RASAL2: variants seen among roughly 807,000 people sequenced by gnomAD.
RASAL2 encodes RAS protein activator like 2, also known as ras GTPase-activating protein nGAP.
Under a neutral mutation model 128.9 loss-of-function variants are expected in RASAL2, and 58 were observed. That is an observed-to-expected ratio of 0.45 (90% CI 0.36 to 0.56). RASAL2 has a LOEUF of 0.56. RASAL2 is among the 20% of genes least tolerant of loss of function. The pLI is 0.00. For missense variants in RASAL2, 1,360 were observed against 1,601.6 expected, an observed-to-expected ratio of 0.85 and a Z score of 2.57; for synonymous variants, 561 against 580.8, an observed-to-expected ratio of 0.97 and a Z score of 0.49.
chr1:178,397,092 A>G (rs1055157108), intron 4 of RASAL2, among the ~76,000 whole-genome samples: 21 of 152,212 alleles, frequency 1.4e-4, no homozygotes, highest in Non-Finnish European at 2.9e-4. Context: ...TTAAATGTAG[A>G]GTTTCTATAT....
intron 1 of RASAL2, among the ~76,000 whole-genome samples, chr1:178,154,142 A>AT (rs59387394): frequency 0.086 from 11,742 of 136,836 alleles, 607 homozygotes; most frequent in African/African-American, 0.16. Flanking sequence ...GGCCTGATTG[A>AT]TTTTTTTTTT....
chr1:178,453,003 T>C (rs1352353908), intron 11 of RASAL2, among the ~76,000 whole-genome samples: 2 of 152,022 alleles, frequency 1.3e-5, no homozygotes, highest in Non-Finnish European at 2.9e-5. Flanking sequence ...ATCCCAGCAA[T>C]ATGAAAACAC....
chr1:178,245,664 T>C (rs1018737281), intron 1 of RASAL2, among the ~76,000 whole-genome samples: 3 of 152,130 alleles, frequency 2.0e-5, no homozygotes, highest in Admixed American at 6.5e-5. Flanking sequence ...CTGAATGATA[T>C]TGCCTAGGTT....
At chr1:178,381,211 G>A (rs1337719726) in intron 3 of RASAL2, among the ~76,000 whole-genome samples, 1 of 152,146 alleles carries the variant, frequency 6.6e-6, no homozygotes, top group Non-Finnish European at 1.5e-5. Flanking sequence ...ATTTCATCCA[G>A]AAAGTAATGT....
chr1:178,414,191 C>A lies in RASAL2; in HGVS notation c.565-6320C>A, dbSNP rs370686992. On this transcript the variant is annotated intron_variant, in intron 4 of 17. Coordinates refer to ENST00000367649, the MANE Select transcript of RASAL2 (RefSeq NM_170692.4). ...ACGTCCTGATAAACCTATCATAAAT[C>A]AAAAAATTGTTCAAACCATCTTAAA... is the stretch of plus-strand genomic sequence containing the variant. Among the ~76,000 whole-genome samples the A allele has an allele frequency of 1.2e-4, 19 of 152,162 alleles. No homozygotes were observed. In the East Asian group the frequency reaches 2.1e-3, roughly 17 times the overall value.
At chr1:178,305,555 C>T (rs1667945956) in intron 3 of RASAL2, among the ~76,000 whole-genome samples, 1 of 152,100 alleles carries the variant, frequency 6.6e-6, no homozygotes, top group Admixed American at 6.6e-5. Flanking sequence ...ATAGAATATT[C>T]AAGAATGTTG....
rs1181258925 is a variant in RASAL2, at chr1:178,470,783, T to C, written c.3679-2292T>C. 9 of 1,283,676 alleles carry C rather than the reference T, an allele frequency of 7.0e-6. No individual in the cohort carries two copies. The Admixed American group carries it at 1.6e-4, about 23-fold the overall frequency. The allele number at this position is 1,283,676 out of a possible 1,614,324, so 79.5% of individuals were successfully genotyped here. ...AGTTCCCAGCCCTGGCCCAGTGCAC[T>C]GGCCTCCTACACATTCCAGCTCCTG... On this transcript the variant is annotated intron_variant, in intron 17 of 17. Transcript: ENST00000367649.
intron 1 of RASAL2, among the ~76,000 whole-genome samples, chr1:178,160,488 A>C (rs1486540895): frequency 6.6e-6 from 1 of 152,144 alleles, no homozygotes; most frequent in Admixed American, 6.5e-5. Flanking sequence ...TACAAAAATT[A>C]GCGGGACGTG....
At chr1:178,173,065 C>T (rs2101914328) in intron 1 of RASAL2, among the ~76,000 whole-genome samples, 1 of 152,174 alleles carries the variant, frequency 6.6e-6, no homozygotes, top group Non-Finnish European at 1.5e-5. Flanking sequence ...ACGTTTGTCA[C>T]TTTGTGGGAA....
intron 3 of RASAL2, among the ~76,000 whole-genome samples, chr1:178,304,248 G>A (rs1439799384): frequency 6.6e-6 from 1 of 152,156 alleles, no homozygotes; most frequent in Non-Finnish European, 1.5e-5. Context: ...ATTAGGCCAG[G>A]TGTGATGGCT....
intron 3 of RASAL2, among the ~76,000 whole-genome samples, chr1:178,384,867 A>G (rs767842279): frequency 6.6e-5 from 10 of 152,148 alleles, no homozygotes; most frequent in African/African-American, 1.2e-4. Flanking sequence ...AAAATGATAG[A>G]CATTATAAGA....
At chr1:178,293,093 C>G (rs975053244) in intron 2 of RASAL2, among the ~76,000 whole-genome samples, 7 of 152,118 alleles carry the variant, frequency 4.6e-5, no homozygotes, top group Non-Finnish European at 8.8e-5. Context: ...TTAAATTATT[C>G]AATAGATATA....
intron 1 of RASAL2, among the ~76,000 whole-genome samples, chr1:178,120,726 T>A (rs1253114096): frequency 2.0e-5 from 3 of 152,186 alleles, no homozygotes; most frequent in African/African-American, 7.2e-5. Context: ...TCACCAGCGC[T>A]AGCATTACCA....
intron 1 of RASAL2, among the ~76,000 whole-genome samples, chr1:178,271,722 A>G (rs1422502735): frequency 6.6e-6 from 1 of 152,210 alleles, no homozygotes; most frequent in Admixed American, 6.5e-5. Context: ...CAGCGGTGTC[A>G]TTCCTCTGTT....
intron 1 of RASAL2, among the ~76,000 whole-genome samples, chr1:178,147,688 C>T (rs1443254781): frequency 1.3e-5 from 2 of 152,134 alleles, no homozygotes; most frequent in African/African-American, 2.4e-5. Context: ...AGGTTGTATA[C>T]ATATGTGCAA....
In RASAL2 at chr1:178,476,139, C is replaced by G. The variant is rs1178337863; in HGVS notation, c.*2900C>G. ...TAGCAATGTCTTGCACTTCCTGTTT[C>G]CCTCAAAACAACACCACATTGTGGG... On this transcript the variant is annotated 3_prime_UTR_variant, in exon 18 of 18. Transcript: ENST00000367649. The G allele has an allele frequency of 2.6e-5, 4 of 152,260 alleles. No individual in the cohort carries two copies. The highest frequency in any genetic ancestry group is 9.6e-5 in the African/African-American group (4 of 41,544). 9.4% of individuals were successfully genotyped at this position (152,260 alleles called of 1,614,324 possible). A position where few individuals can be genotyped will look rare whatever the true frequency, so the allele number is the denominator to read the frequency against.
chr1:178,136,581 C>A (rs1319649917), intron 1 of RASAL2, among the ~76,000 whole-genome samples: 11 of 151,480 alleles, frequency 7.3e-5, no homozygotes, highest in South Asian at 2.1e-4. Context: ...CATGGTGAAA[C>A]CCTGTCTCTA....
chr1:178,299,898 A>G, intron 2 of RASAL2, 94 bp from the exon 3 acceptor site: 5 of 1,299,110 alleles, frequency 3.8e-6, no homozygotes, highest in Non-Finnish European at 5.3e-6. Flanking sequence ...TTTGTTACAC[A>G]CTCCTGTCTT....
At chr1:178,431,799 G>T (rs1675922863) in intron 5 of RASAL2, among the ~76,000 whole-genome samples, 1 of 151,208 alleles carries the variant, frequency 6.6e-6, no homozygotes. Context: ...CTTAAAAACA[G>T]TATTGTACCA....
Sources: allele counts gnomAD v4.1 joint callset (sites outside exome capture counted in the v4.1 genomes callset), GRCh38; gene constraint gnomAD v4.1.1; transcripts MANE v1.5; gene names NCBI Gene and HGNC (gene_info 2026-07-23, HGNC 2026-07-21).